The following NRXN1 variants were observed in gnomAD, a reference collection of about 807,000 sequenced individuals.
NRXN1 encodes neurexin 1, also known as neurexin-1.
A neutral mutation model predicts 150.9 loss-of-function variants in NRXN1; 39 were observed. That is an observed-to-expected ratio of 0.26 (90% CI 0.20 to 0.34). The LOEUF is 0.34. Ranked by LOEUF, NRXN1 falls within the 10% of genes least tolerant of loss-of-function variation. The probability of loss-of-function intolerance (pLI) is 1.00; values close to 1 mark genes in which losing one functional copy is unlikely to be tolerated. For missense variants in NRXN1, 1,815 were observed against 1,949.9 expected (o/e 0.93, Z 1.30); for synonymous variants, 924 against 757.0 (o/e 1.22, Z -3.62).
In NRXN1 at chr2:49,921,903, G is replaced by T. The variant is rs1390429042; in HGVS notation, c.*41C>A. 1 of 1,583,386 alleles carries T rather than the reference G, an allele frequency of 6.3e-7. No homozygotes were observed. The highest frequency in any genetic ancestry group is 2.2e-5 in the East Asian group (1 of 44,690). The stretch of plus-strand genomic sequence containing the variant: ...GTTTATATTATGTCTCAGATAAAAT[G>T]AAGACTATTTCTATACAAGTGTCCA... On this transcript the variant is annotated 3_prime_UTR_variant, in exon 23 of 23. Transcript: ENST00000401669.
chr2:50,215,311 T>G (rs2063320262), intron 18 of NRXN1, among the ~76,000 whole-genome samples: 1 of 152,024 alleles, frequency 6.6e-6, no homozygotes, highest in African/African-American at 2.4e-5. Flanking sequence ...CTGGGGCACA[T>G]TTTAAAATAA....
chr2:50,126,681 G>T (rs1293793661), intron 18 of NRXN1, among the ~76,000 whole-genome samples: 2 of 151,802 alleles, frequency 1.3e-5, no homozygotes, highest in African/African-American at 4.8e-5. Flanking sequence ...TTCTTCAAGA[G>T]AACATCTCAT....
intron 12 of NRXN1, among the ~76,000 whole-genome samples, chr2:50,511,579 T>C (rs375747106): frequency 1.3e-5 from 2 of 152,146 alleles, no homozygotes; most frequent in Non-Finnish European, 2.9e-5. Flanking sequence ...CAGATGGAAG[T>C]AGAAGCAGTA....
At chr2:50,426,763 A>G (rs148867180) in intron 17 of NRXN1, among the ~76,000 whole-genome samples, 15 of 152,242 alleles carry the variant, frequency 9.9e-5, no homozygotes, top group Non-Finnish European at 1.8e-4. Context: ...AGCTACCCAA[A>G]CCTTAAGATG....
At chr2:50,398,468 A>G (rs979228045) in intron 17 of NRXN1, among the ~76,000 whole-genome samples, 2 of 151,904 alleles carry the variant, frequency 1.3e-5, no homozygotes, top group Non-Finnish European at 2.9e-5. Context: ...GAACAAGGTT[A>G]TTATGTTAGG....
At chr2:50,714,263 G>A (rs1695572010) in intron 5 of NRXN1, among the ~76,000 whole-genome samples, 1 of 152,100 alleles carries the variant, frequency 6.6e-6, no homozygotes, top group Non-Finnish European at 1.5e-5. Flanking sequence ...TCTGGAAGTT[G>A]CAAGAGGCCA....
intron 2 of NRXN1, among the ~76,000 whole-genome samples, chr2:50,973,005 T>C (rs1695257861): frequency 1.3e-5 from 2 of 152,224 alleles, no homozygotes; most frequent in Admixed American, 6.5e-5. Flanking sequence ...GGACTAAGAA[T>C]TCATTCCACA....
chr2:50,720,179 T>C (rs973466666), intron 5 of NRXN1, among the ~76,000 whole-genome samples: 10 of 152,186 alleles, frequency 6.6e-5, no homozygotes, highest in African/African-American at 2.4e-4. Context: ...CACACAGATA[T>C]ATATATTGTC....
At chr2:50,656,006 G>T (rs778428764) in intron 5 of NRXN1, among the ~76,000 whole-genome samples, 4 of 151,960 alleles carry the variant, frequency 2.6e-5, no homozygotes, top group Non-Finnish European at 4.4e-5. Flanking sequence ...GCTTCAGAAA[G>T]CTTAGGTAAA....
intron 17 of NRXN1, among the ~76,000 whole-genome samples, chr2:50,415,955 CA>C (rs10585013): frequency 0.07 from 6,250 of 88,794 alleles, 376 homozygotes; most frequent in African/African-American, 0.16. Flanking sequence ...CAACAACATA[CA>C]AAAAAAAAAA....
chr2:50,533,688 T>C (rs1177709986), intron 10 of NRXN1, among the ~76,000 whole-genome samples: 1 of 152,180 alleles, frequency 6.6e-6, no homozygotes, highest in African/African-American at 2.4e-5. Context: ...CTGGCCCCAG[T>C]CCATCTCTCT....
In NRXN1 at chr2:50,998,232, C is replaced by A. The variant is rs2105059105; in HGVS notation, c.772+29270G>T. On this transcript the variant is annotated intron_variant, in intron 2 of 22. Coordinates refer to ENST00000401669, the MANE Select transcript of NRXN1 (RefSeq NM_001330078.2). ...TTCAATAAGTTTATCAGAGACAATA[C>A]TGATATGTTAAAAAAATTACTCACA... Among the ~76,000 whole-genome samples the A allele has an allele frequency of 1.4e-5, 2 of 141,570 alleles. 1 individual carries two copies. The highest frequency in any genetic ancestry group is 4.0e-4 in the East Asian group (2 of 4,960). 92.9% of individuals were successfully genotyped at this position (141,570 alleles called of 152,430 possible).
chr2:51,026,391 G>GT, intron 2 of NRXN1: 1 of 1,596,756 alleles, frequency 6.3e-7, no homozygotes, highest in Non-Finnish European at 8.5e-7. Context: ...AGGCTTTGCT[G>GT]TATTTATACA....
At chr2:50,132,727 A>G (rs181235947) in intron 18 of NRXN1, among the ~76,000 whole-genome samples, 1 of 152,184 alleles carries the variant, frequency 6.6e-6, no homozygotes, top group East Asian at 1.9e-4. Flanking sequence ...GGAAACCTTG[A>G]CTTTCTTCCA....
At chr2:50,459,490 G>A (rs888040951) in intron 17 of NRXN1, among the ~76,000 whole-genome samples, 3 of 152,036 alleles carry the variant, frequency 2.0e-5, no homozygotes, top group African/African-American at 4.8e-5. Context: ...AGACTGTGGT[G>A]TCTGCTGCTC....
chr2:51,017,304 C>T (rs1426292030), intron 2 of NRXN1, among the ~76,000 whole-genome samples: 2 of 150,544 alleles, frequency 1.3e-5, no homozygotes, highest in East Asian at 3.9e-4. Flanking sequence ...GGTTCCCTAA[C>T]TTTTCTGATA....
intron 17 of NRXN1, among the ~76,000 whole-genome samples, chr2:50,316,497 T>C (rs770780711): frequency 6.6e-6 from 1 of 152,038 alleles, no homozygotes; most frequent in Non-Finnish European, 1.5e-5. Flanking sequence ...ATTTGCACAA[T>C]AAGAATCACA....
intron 5 of NRXN1, among the ~76,000 whole-genome samples, chr2:50,879,107 G>A (rs1679047056): frequency 6.6e-6 from 1 of 151,888 alleles, no homozygotes; most frequent in Non-Finnish European, 1.5e-5. Flanking sequence ...ACCCTACATA[G>A]TGTGGCTGTA....
At chr2:50,902,790 A>T (rs1683137962) in intron 5 of NRXN1, among the ~76,000 whole-genome samples, 1 of 152,116 alleles carries the variant, frequency 6.6e-6, no homozygotes, top group South Asian at 2.1e-4. Flanking sequence ...AGGAAGTCAA[A>T]TGTCATTGTC....
Sources: allele counts gnomAD v4.1 joint callset (sites outside exome capture counted in the v4.1 genomes callset), GRCh38; gene constraint gnomAD v4.1.1; transcripts MANE v1.5; gene names NCBI Gene and HGNC (gene_info 2026-07-23, HGNC 2026-07-21).